The following CEP120 variants were observed in gnomAD, a reference collection of about 807,000 sequenced individuals.
CEP120 encodes centrosomal protein 120, also known as centrosomal protein of 120 kDa.
In CEP120, 113 loss-of-function variants were observed where a neutral mutation model predicts 126.5. That is an observed-to-expected ratio of 0.89 (90% CI 0.77 to 1.04). The LOEUF (loss-of-function observed/expected upper bound fraction) is 1.04. CEP120 is among the 50% of genes least tolerant of loss of function. The pLI, the probability that CEP120 is intolerant of heterozygous loss-of-function variation, is 0.00. For missense variants in CEP120, 1,230 were observed against 1,155.7 expected (o/e 1.06, Z -0.93); for synonymous variants, 400 against 394.3 (o/e 1.01, Z -0.17).
chr5:123,350,810 C>A (rs1173074886), intron 18 of CEP120, among the ~76,000 whole-genome samples: 1 of 152,192 alleles, frequency 6.6e-6, no homozygotes, highest in Non-Finnish European at 1.5e-5. Context: ...TTTAACAATT[C>A]TTCAGGTCAA....
At chr5:123,387,591 A>G (rs896713901) in intron 9 of CEP120, among the ~76,000 whole-genome samples, 1 of 152,048 alleles carries the variant, frequency 6.6e-6, no homozygotes, top group African/African-American at 2.4e-5. Flanking sequence ...AGCATTTTTA[A>G]AGTGCCTTAA....
chr5:123,416,402 AT>A (rs1774396885), intron 2 of CEP120, among the ~76,000 whole-genome samples: 2 of 151,746 alleles, frequency 1.3e-5, no homozygotes, highest in Admixed American at 1.3e-4. Flanking sequence ...CTCTACTAAA[AT>A]TAAAAAAAAC....
rs956882052 is a variant in CEP120, at chr5:123,416,528, G to A, written c.207-404C>T. ...GGAGGTTGCAGTGAGCCGAGATCGC[G>A]CCACTACACTCCAGCCTGGGTGACA... On this transcript the variant is annotated intron_variant, in intron 2 of 19. Transcript: ENST00000306467. Among the ~76,000 whole-genome samples, 29 of 151,904 alleles carry A rather than the reference G, an allele frequency of 1.9e-4. 1 individual carries two copies. The highest frequency in any genetic ancestry group is 3.2e-3 in the Middle Eastern group (1 of 316).
rs1281130050 is a variant in CEP120, at chr5:123,385,124, T to C, written c.1590A>G (p.Leu530=). The C allele has an allele frequency of 6.2e-7, 1 of 1,611,498 alleles. No homozygotes were observed. Among genetic ancestry groups the C allele is most frequent in the South Asian group, 1.1e-5 (1 of 90,770 alleles). Reference sequence around the variant, plus strand: ...TATCCTTGTGCCATAGTTCAACCAGTAATGGAATCCTAAGGAAGAGAGAAA... The same window carrying C: ...TATCCTTGTGCCATAGTTCAACCAGCAATGGAATCCTAAGGAAGAGAGAAA... ...QLQDTFLRIP[L]LVELWHKDKM... is the part of the protein sequence containing the mutation. Residue 530 remains leucine (L), a synonymous_variant, in exon 11 of 20, where the codon TTA becomes TTG. Transcript: ENST00000306467.
intron 5 of CEP120, 96 bp downstream of exon 5, chr5:123,399,040 A>C: frequency 1.1e-6 from 1 of 911,490 alleles, no homozygotes; most frequent in South Asian, 3.7e-5. Context: ...TAAAAAAAAA[A>C]AGTCTACTTG....
chr5:123,375,950 G>T (rs975240583), intron 16 of CEP120, among the ~76,000 whole-genome samples: 2 of 151,302 alleles, frequency 1.3e-5, no homozygotes, highest in South Asian at 4.2e-4. Flanking sequence ...ATCTACATTG[G>T]AATTTTTCAA....
chr5:123,421,055 A>G (rs1774682214), intron 1 of CEP120, among the ~76,000 whole-genome samples: 1 of 152,188 alleles, frequency 6.6e-6, no homozygotes, highest in Non-Finnish European at 1.5e-5. Context: ...CCTTGACTCC[A>G]GGTTCTCTTC....
chr5:123,400,895 G>A, intron 4 of CEP120: 1 of 1,354,456 alleles, frequency 7.4e-7, no homozygotes. Flanking sequence ...GGAGGGGTAG[G>A]CTGGGAGGGG....
intron 18 of CEP120, among the ~76,000 whole-genome samples, chr5:123,358,863 A>G (rs1359211893): frequency 2.0e-5 from 3 of 152,136 alleles, no homozygotes; most frequent in East Asian, 3.9e-4. Context: ...CAGCGGCTAA[A>G]AAGTGGCCAC....
Position 123,423,001 on chromosome 5 carries a change from T to C in CEP120, c.-3A>G, listed in dbSNP as rs1417137821. On this transcript the variant is annotated 5_prime_UTR_variant, in exon 1 of 20. Coordinates refer to ENST00000306467, the MANE Select transcript of CEP120 (RefSeq NM_001375405.1). ...AATTGGTCGGATTTGGAGACCATGG[T>C]TGCGGTGAGCGGTCCGGGGGCGAAG... 1.9e-6 allele frequency: 3 copies of C among 1,614,010 alleles called. No individual in the cohort carries two copies. Among genetic ancestry groups the C allele is most frequent in the South Asian group, 2.2e-5 (2 of 91,078 alleles).
At chr5:123,355,657 A>C (rs1328827164) in intron 18 of CEP120, among the ~76,000 whole-genome samples, 2 of 151,494 alleles carry the variant, frequency 1.3e-5, no homozygotes, top group African/African-American at 2.4e-5. Context: ...AATTTGTTTG[A>C]GTTCATTGTA....
intron 18 of CEP120, among the ~76,000 whole-genome samples, chr5:123,351,653 G>A (rs1186305875): frequency 6.6e-6 from 1 of 152,144 alleles, no homozygotes; most frequent in Non-Finnish European, 1.5e-5. Flanking sequence ...TATACATAAT[G>A]AGATATCTTG....
chr5:123,393,300 CT>C lies in CEP120; in HGVS notation c.809del (p.Gln270ArgfsTer18), dbSNP rs1269910165. The C allele has an allele frequency of 6.2e-7, 1 of 1,613,882 alleles. No homozygotes were observed. The highest frequency in any genetic ancestry group is 8.5e-7 in the Non-Finnish European group (1 of 1,179,908). On this transcript the variant is annotated frameshift_variant and splice_region_variant, in exon 6 of 20. Transcript: ENST00000306467. LOFTEE classifies it high-confidence loss of function. ...AAAAACGATTTGCTGCAATACTCAC[CT>C]GCAGTTTAGACTGAAGAGCCAGGTA... ...RVYLALQSKL[Q>X]IHLCCGDQSL...
At chr5:123,402,718 T>C (rs544699328) in intron 4 of CEP120, among the ~76,000 whole-genome samples, 53 of 152,358 alleles carry the variant, frequency 3.5e-4, no homozygotes, top group African/African-American at 1.2e-3. Context: ...CACTGTTCAA[T>C]GTATATTGAT....
intron 13 of CEP120, 111 bp from the exon 14 acceptor site, chr5:123,382,311 A>T: frequency 2.6e-6 from 1 of 386,234 alleles, no homozygotes; most frequent in Non-Finnish European, 4.5e-6. Context: ...TTTTTCAGGC[A>T]TTCTTTTTTA....
intron 4 of CEP120, chr5:123,402,219 CCCA>C (rs1773300422): frequency 1.3e-6 from 2 of 1,534,890 alleles, no homozygotes; most frequent in African/African-American, 2.7e-5. Context: ...GCAGCTGCTG[CCCA>C]CTTGGGAGAA....
In CEP120 at chr5:123,349,970, C is replaced by T; in HGVS notation, c.2700G>A (p.Leu900=). 2 of 1,613,760 alleles carry T rather than the reference C, an allele frequency of 1.2e-6. No homozygotes were observed. Among genetic ancestry groups the T allele is most frequent in the Non-Finnish European group, 8.5e-7 (1 of 1,179,890 alleles). The change falls in exon 19 of 20, where the codon TTG becomes TTA. Residue 900 remains leucine, a synonymous_variant. Coordinates refer to ENST00000306467, the MANE Select transcript of CEP120 (RefSeq NM_001375405.1). The stretch of plus-strand genomic sequence containing the variant: ...TGTTCAATTCATTTCTTATATCCAA[C>T]AATTCTTGTCGCTCGGTTTTTACTG... The part of the protein sequence containing the change: ...KDTVKTERQE[L]LDIRNELNRL...
chr5:123,390,638 GAATA>G, intron 7 of CEP120, among the ~76,000 whole-genome samples: 1 of 152,110 alleles, frequency 6.6e-6, no homozygotes, highest in East Asian at 1.9e-4. Context: ...TGATTTCTGG[GAATA>G]GATACAATAA....
At chr5:123,346,808 C>T in intron 19 of CEP120, 55 bp from the exon 20 acceptor site, 2 of 1,271,942 alleles carry the variant, frequency 1.6e-6, no homozygotes, top group Non-Finnish European at 2.1e-6. Flanking sequence ...TTCTTAATGT[C>T]ACTATTTAAA....
Sources: gnomAD v4.1 joint callset for allele counts (sites outside exome capture counted in the v4.1 genomes callset) on GRCh38, gnomAD v4.1.1 for gene constraint, MANE v1.5 for transcripts, NCBI Gene and HGNC (gene_info 2026-07-23, HGNC 2026-07-21) for gene names.